Variants in RO60 observed in about 807,000 individuals in gnomAD.
The protein encoded by RO60 is Ro60, Y RNA binding protein.
Under a neutral mutation model 55.3 loss-of-function variants are expected in RO60, and 20 were observed. That is an observed-to-expected ratio of 0.36 (90% confidence interval 0.25 to 0.53). The LOEUF (loss-of-function observed/expected upper bound fraction) is 0.53. Ranked by LOEUF, RO60 falls within the 20% of genes least tolerant of loss-of-function variation. RO60 has a pLI of 0.92. For synonymous variants in RO60, 213 were observed against 213.6 expected (o/e 1.00, Z 0.02); for missense variants, 558 against 646.6 (o/e 0.86, Z 1.49).
intron 2 of RO60, among the ~76,000 whole-genome samples, chr1:193,075,408 A>G (rs1001370353): frequency 6.6e-6 from 1 of 151,236 alleles, no homozygotes; most frequent in Admixed American, 6.6e-5. Flanking sequence ...ATTTTATTCA[A>G]CAGCAAAAAG....
rs1339738202 is a variant in RO60, at chr1:193,084,732, C to T, written c.*1C>T. 6.2e-7 allele frequency: 1 copy of T among 1,610,980 alleles called. No homozygotes were observed. Among genetic ancestry groups the T allele is most frequent in the East Asian group, 2.2e-5 (1 of 44,848 alleles). On this transcript the variant is annotated 3_prime_UTR_variant, in exon 9 of 9. Transcript: ENST00000400968. ...AAATTTCACATTAGATATGATTTAA[C>T]CATAAGCAGCAGCACGATCCAGAGA...
intron 1 of RO60, among the ~76,000 whole-genome samples, chr1:193,066,147 T>C (rs1673090433): frequency 6.6e-6 from 1 of 152,244 alleles, no homozygotes; most frequent in East Asian, 1.9e-4. Flanking sequence ...TATCTCTTGC[T>C]GTCAGTAGGC....
At chr1:193,062,762 T>C (rs1190979298) in intron 1 of RO60, among the ~76,000 whole-genome samples, 1 of 152,256 alleles carries the variant, frequency 6.6e-6, no homozygotes, top group Non-Finnish European at 1.5e-5. Flanking sequence ...GGAAAATTCA[T>C]ATAAATGGAA....
chr1:193,076,503 A>G lies in RO60; in HGVS notation c.804A>G (p.Val268=), dbSNP rs562586491. ...TTCTGCCTATGTTATTGCAATAGGT[A>G]TGGAAGGCTTTGTTACAAGAAATGC... The part of the protein sequence containing the change: ...LLTNHLKSKE[V]WKALLQEMPL... The change falls in exon 4 of 9, where the codon GTA becomes GTG. Residue 268 remains valine (V), a splice_region_variant and synonymous_variant. Coordinates refer to ENST00000400968, the MANE Select transcript of RO60 (RefSeq NM_001173524.2). 4 of 1,611,278 alleles carry G rather than the reference A, an allele frequency of 2.5e-6. No individual in the cohort carries two copies. The highest frequency in any genetic ancestry group is 1.3e-5 in the African/African-American group (1 of 74,792).
At position 193,084,925 on chromosome 1, in the gene RO60, C is replaced by T; in HGVS notation, c.*194C>T. On this transcript the variant is annotated 3_prime_UTR_variant, in exon 9 of 9. Transcript: ENST00000400968. The stretch of plus-strand genomic sequence containing the variant: ...CAAAGGTCTATCTACTAAACTAGCT[C>T]TTGGGGAAATAGCTTCAGGATACTG... 6.6e-7 allele frequency: 1 copy of T among 1,508,182 alleles called. No homozygotes were observed. The highest frequency in any genetic ancestry group is 2.5e-5 in the East Asian group (1 of 40,718). 93.4% of individuals were successfully genotyped at this position (1,508,182 alleles called of 1,614,324 possible). A position where few individuals can be genotyped will look rare whatever the true frequency, so the allele number is the denominator to read the frequency against.
chr1:193,069,707 A>G (rs1673351971), intron 2 of RO60, 73 bp downstream of exon 2: 5 of 1,188,422 alleles, frequency 4.2e-6, no homozygotes, highest in African/African-American at 1.5e-5. Flanking sequence ...TTTATTTAAC[A>G]TAAGACAAGT....
At chr1:193,074,436 A>G (rs1044065723) in intron 2 of RO60, among the ~76,000 whole-genome samples, 2 of 152,114 alleles carry the variant, frequency 1.3e-5, no homozygotes, top group African/African-American at 4.8e-5. Context: ...ATTCTAACTG[A>G]TGTGAGATGG....
At position 193,084,706 on chromosome 1, in the gene RO60, G is replaced by GA; in HGVS notation, c.1595dup (p.Asn532LysfsTer34). 9 of 1,612,976 alleles carry GA rather than the reference G, an allele frequency of 5.6e-6. No homozygotes were observed. The highest frequency in any genetic ancestry group is 7.6e-6 in the Non-Finnish European group (9 of 1,179,652). ...GATACTGGAGCTCTGGATGTAATTC[G>GA]AAATTTCACATTAGATATGATTTAA... On this transcript the variant is annotated frameshift_variant, in exon 9 of 9. Transcript: ENST00000400968. LOFTEE classifies it high-confidence loss of function.
chr1:193,069,472 A>C lies in RO60; in HGVS notation c.418A>C (p.Lys140Gln). Residue 140 changes from lysine (K) to glutamine (Q), a missense_variant, in exon 2 of 9, where the codon AAA (lysine) becomes CAA (glutamine). Transcript: ENST00000400968. ...TAAGAAAGATCTGAAGGAAAGCATG[A>C]AATGTGGCATGTGGGGTCGTGCCCT... ...QFKKDLKESM[K>Q]CGMWGRALRK... 1 of 1,614,234 alleles carries C rather than the reference A, an allele frequency of 6.2e-7. No individual in the cohort carries two copies. Among genetic ancestry groups the C allele is most frequent in the Non-Finnish European group, 8.5e-7 (1 of 1,180,046 alleles).
chr1:193,071,383 T>C (rs923838761), intron 2 of RO60, among the ~76,000 whole-genome samples: 1 of 152,244 alleles, frequency 6.6e-6, no homozygotes, highest in African/African-American at 2.4e-5. Flanking sequence ...CCTTCTATGT[T>C]TCAGTAAAAA....
At position 193,069,209 on chromosome 1, in the gene RO60, A is replaced by G; in HGVS notation, c.155A>G (p.Lys52Arg). ...EGGTYYIKEQ[K>R]LGLENAEALI... ...GGGACTTATTATATCAAAGAACAGA[A>G]GTTGGGCCTTGAAAATGCTGAAGCT... is the stretch of plus-strand genomic sequence containing the variant. Residue 52 changes from lysine (K) to arginine (R), a missense_variant, in exon 2 of 9, where the codon AAG (lysine) becomes AGG (arginine). Lys to Arg is a conservative substitution (Grantham distance 26). Coordinates refer to ENST00000400968, the MANE Select transcript of RO60 (RefSeq NM_001173524.2). The G allele has an allele frequency of 6.2e-7, 1 of 1,614,232 alleles. No homozygotes were observed. The highest frequency in any genetic ancestry group is 8.5e-7 in the Non-Finnish European group (1 of 1,180,026).
chr1:193,076,045 G>A lies in RO60; in HGVS notation c.801+5G>A. On this transcript the variant is annotated splice_donor_5th_base_variant and intron_variant, in intron 3 of 8. Coordinates refer to ENST00000400968, the MANE Select transcript of RO60 (RefSeq NM_001173524.2). Reference sequence around the variant, plus strand: ...AATCACTTAAAGTCTAAAGAGGTGAGTGAATTATATGTTACAGCATGTGAT... The same window carrying A: ...AATCACTTAAAGTCTAAAGAGGTGAATGAATTATATGTTACAGCATGTGAT... The A allele has an allele frequency of 6.3e-7, 1 of 1,584,018 alleles. No individual in the cohort carries two copies. Among genetic ancestry groups the A allele is most frequent in the Non-Finnish European group, 8.6e-7 (1 of 1,160,666 alleles).
At chr1:193,064,377 C>T (rs1013704198) in intron 1 of RO60, among the ~76,000 whole-genome samples, 1 of 152,196 alleles carries the variant, frequency 6.6e-6, no homozygotes, top group African/African-American at 2.4e-5. Flanking sequence ...AACAAAGACA[C>T]TCCTATTTCT....
intron 2 of RO60, among the ~76,000 whole-genome samples, chr1:193,071,999 A>G (rs1470954690): frequency 6.6e-6 from 1 of 151,738 alleles, no homozygotes; most frequent in Non-Finnish European, 1.5e-5. Context: ...ATATTTATTT[A>G]TTTATTTGTT....
chr1:193,078,446 C>G (rs1019618086), intron 5 of RO60, among the ~76,000 whole-genome samples: 7 of 151,938 alleles, frequency 4.6e-5, no homozygotes, highest in African/African-American at 1.7e-4. Context: ...AAAGACATTG[C>G]AATTGGAAAG....
In RO60 at chr1:193,059,990, C is replaced by A. The variant is rs1169446007; in HGVS notation, c.-22+214C>A. 1 of 1,365,932 alleles carries A rather than the reference C, an allele frequency of 7.3e-7. No individual in the cohort carries two copies. Among genetic ancestry groups the A allele is most frequent in the Middle Eastern group, 2.1e-4 (1 of 4,728 alleles). The allele number at this position is 1,365,932 out of a possible 1,614,324, so 84.6% of individuals were successfully genotyped here. A position where few individuals can be genotyped will look rare whatever the true frequency, so the allele number is the denominator to read the frequency against. ...GTAGGGACATCCTCGCTAGGCCCGG[C>A]CGGACCATTCCTCAGGGTGGGCCCT... On this transcript the variant is annotated intron_variant, in intron 1 of 8. Coordinates refer to ENST00000400968, the MANE Select transcript of RO60 (RefSeq NM_001173524.2). The surrounding 1 kb of genome is among the most constrained non-coding windows in gnomAD (Gnocchi z 4.9).
intron 6 of RO60, 21 bp from the exon 7 acceptor site, chr1:193,082,165 T>A (rs767291524): frequency 1.3e-6 from 2 of 1,506,554 alleles, no homozygotes; most frequent in Non-Finnish European, 1.8e-6. Flanking sequence ...TGCTGAAAAT[T>A]ACTGCCATTG....
rs1176745288 is a variant in RO60, at chr1:193,089,794, A to G, written c.*5063A>G. On this transcript the variant is annotated 3_prime_UTR_variant, in exon 9 of 9. Transcript: ENST00000400968. Reference sequence around the variant, plus strand: ...CACATTAATTTTATGAACATAAATGATATTTAACTTTTCTTTTTTTTTTTT... The same window carrying G: ...CACATTAATTTTATGAACATAAATGGTATTTAACTTTTCTTTTTTTTTTTT... The G allele has an allele frequency of 2.0e-5, 3 of 150,778 alleles. No individual in the cohort carries two copies. The East Asian group carries it at 5.8e-4, about 29-fold the overall frequency. The allele number at this position is 150,778 out of a possible 1,614,324, so 9.3% of individuals were successfully genotyped here.
Position 193,076,971 on chromosome 1 carries a change from G to T in RO60, c.1007G>T (p.Gly336Val). 1 of 1,613,198 alleles carries T rather than the reference G, an allele frequency of 6.2e-7. No individual in the cohort carries two copies. Among genetic ancestry groups the T allele is most frequent in the Non-Finnish European group, 8.5e-7 (1 of 1,179,454 alleles). The change falls in exon 5 of 9, where the codon GGT becomes GTT. Residue 336 changes from glycine to valine, a missense_variant. By Grantham distance (109) the Gly-to-Val change is moderately radical. Coordinates refer to ENST00000400968, the MANE Select transcript of RO60 (RefSeq NM_001173524.2). ...IALETYKTGH[G>V]LRGKLKWRPD... The stretch of plus-strand genomic sequence containing the variant: ...TTAGAAACTTACAAGACAGGTCATG[G>T]TCTCAGAGGGAAACTGAAGTGGCGC...
Sources: gnomAD v4.1 joint callset for allele counts (sites outside exome capture counted in the v4.1 genomes callset) on GRCh38, gnomAD v4.1.1 for gene constraint, Gnocchi (gnomAD v3.1) non-coding constraint, MANE v1.5 for transcripts, NCBI Gene and HGNC (gene_info 2026-07-23, HGNC 2026-07-21) for gene names.